Variants in SLC22A25 observed in about 807,000 individuals in gnomAD.
SLC22A25 encodes the protein MGI:2442751, MGI:2385316, MGI:3042283, MGI:3645714, MGI:3605624, MGI:2442750.
A neutral mutation model predicts 45.9 loss-of-function variants in SLC22A25; 44 were observed. The ratio of observed to expected loss-of-function variants is 0.96; its 90% confidence interval spans 0.75 to 1.23. The LOEUF is 1.23. Among genes scored for constraint, SLC22A25 ranks in the 50% most tolerant of loss-of-function variants. SLC22A25 has a pLI of 0.00. For synonymous variants in SLC22A25, 283 were observed against 238.6 expected, an observed-to-expected ratio of 1.19 and a Z score of -1.72; for missense variants, 800 against 666.4, an observed-to-expected ratio of 1.20 and a Z score of -2.21.
intron 7 of SLC22A25, among the ~76,000 whole-genome samples, chr11:63,195,725 G>C (rs1317481022): frequency 6.6e-6 from 1 of 152,132 alleles, no homozygotes; most frequent in Non-Finnish European, 1.5e-5. Context: ...ACATTCAAAA[G>C]CTAGCAGAAG....
chr11:63,191,135 G>A (rs990906044), intron 7 of SLC22A25, among the ~76,000 whole-genome samples: 1 of 152,210 alleles, frequency 6.6e-6, no homozygotes, highest in African/African-American at 2.4e-5. Flanking sequence ...GCTATACCCT[G>A]CCCTGAGATG....
At chr11:63,169,270 A>T (rs1284718711) in intron 9 of SLC22A25, among the ~76,000 whole-genome samples, 2 of 152,232 alleles carry the variant, frequency 1.3e-5, no homozygotes, top group African/African-American at 4.8e-5. Flanking sequence ...ACTAATGTGC[A>T]AACTAAGCAG....
At position 63,180,290 on chromosome 11, in the gene SLC22A25, G is replaced by A. The variant is rs567158442; in HGVS notation, c.1070+370C>T. ...TATACCTTGATCTGAGTGGTAGCTA[G>A]ATATTAATAACTGGTAATATTCATT... is the stretch of plus-strand genomic sequence containing the variant. On this transcript the variant is annotated intron_variant, in intron 9 of 11. Coordinates refer to ENST00000306494, the MANE Select transcript of SLC22A25 (RefSeq NM_199352.6). Among the ~76,000 whole-genome samples the A allele has an allele frequency of 2.6e-5, 4 of 152,228 alleles. No homozygotes were observed. In the South Asian group the frequency reaches 6.2e-4, roughly 24 times the overall value.
intron 7 of SLC22A25, among the ~76,000 whole-genome samples, chr11:63,212,371 T>A (rs2089593367): frequency 6.6e-6 from 1 of 152,318 alleles, no homozygotes; most frequent in South Asian, 2.1e-4. Context: ...CGCACACGTA[T>A]GTTTATTGTG....
At chr11:63,183,555 C>T (rs2088405517) in intron 8 of SLC22A25, 139 bp downstream of exon 8, 21 of 1,043,894 alleles carry the variant, frequency 2.0e-5, no homozygotes, top group Non-Finnish European at 2.8e-5. Flanking sequence ...TGTTGACACC[C>T]ATTGAGAATG....
chr11:63,167,997 AC>A (rs2087744110), intron 9 of SLC22A25: 1 of 374,840 alleles, frequency 2.7e-6, no homozygotes, highest in African/African-American at 2.2e-5. Flanking sequence ...CTGTTCTGCA[AC>A]CTCCGCTGGT....
chr11:63,230,336 A>G (rs1164561583), intron 3 of SLC22A25, among the ~76,000 whole-genome samples: 1 of 152,200 alleles, frequency 6.6e-6, no homozygotes, highest in Non-Finnish European at 1.5e-5. Context: ...TGCTAAGCTC[A>G]TATGGAGGTT....
rs959484090 is a variant in SLC22A25, at chr11:63,229,773, T to C, written c.-121A>G. ...GTGTGTGTTGATCCTGACCCCACTC[T>C]CTTCTTAATGGGCCCTCTCTCCCAT... On this transcript the variant is annotated 5_prime_UTR_variant, in exon 4 of 12. Transcript: ENST00000306494. 9.9e-7 allele frequency: 1 copy of C among 1,010,442 alleles called. No homozygotes were observed. Among genetic ancestry groups the C allele is most frequent in the Non-Finnish European group, 1.4e-6 (1 of 731,450 alleles). 62.6% of individuals were successfully genotyped at this position (1,010,442 alleles called of 1,614,324 possible).
chr11:63,189,885 T>C (rs2088729511), intron 7 of SLC22A25, among the ~76,000 whole-genome samples: 1 of 152,262 alleles, frequency 6.6e-6, no homozygotes, highest in Non-Finnish European at 1.5e-5. Context: ...CACTCTCTTC[T>C]GGCTTGTAGA....
rs958265974 is a variant in SLC22A25, at chr11:63,177,084, A to G, written c.1070+3576T>C. ...CATCATACTTTCTGTTGGCCTGTAA[A>G]CTTTCTGTGGGAAAACAAACCAAAG... On this transcript the variant is annotated intron_variant, in intron 9 of 11. Coordinates refer to ENST00000306494, the MANE Select transcript of SLC22A25 (RefSeq NM_199352.6). Among the ~76,000 whole-genome samples, 7 of 152,100 alleles carry G rather than the reference A, an allele frequency of 4.6e-5. 1 individual carries two copies. The highest frequency in any genetic ancestry group is 4.6e-4 in the Admixed American group (7 of 15,240).
chr11:63,212,060 C>A (rs1028064768), intron 7 of SLC22A25, among the ~76,000 whole-genome samples: 1 of 151,926 alleles, frequency 6.6e-6, no homozygotes, highest in Non-Finnish European at 1.5e-5. Flanking sequence ...AAAAGACACA[C>A]GAAAAAATGC....
intron 3 of SLC22A25, among the ~76,000 whole-genome samples, chr11:63,231,497 T>C (rs1212428677): frequency 6.6e-6 from 1 of 152,192 alleles, no homozygotes; most frequent in Admixed American, 6.5e-5. Context: ...TTGATGGGGT[T>C]CTTTTTTTCT....
intron 9 of SLC22A25, 49 bp from the exon 10 acceptor site, chr11:63,166,307 A>G (rs774523201): frequency 6.3e-7 from 1 of 1,595,310 alleles, no homozygotes; most frequent in Admixed American, 1.7e-5. Context: ...TGGAACCTAA[A>G]TCCTACAAAT....
At chr11:63,201,972 C>G (rs892181850) in intron 7 of SLC22A25, among the ~76,000 whole-genome samples, 1 of 152,066 alleles carries the variant, frequency 6.6e-6, no homozygotes, top group African/African-American at 2.4e-5. Context: ...ACTGGTTAGA[C>G]AGTGGGTGCA....
intron 9 of SLC22A25, chr11:63,166,493 TG>T: frequency 7.8e-7 from 1 of 1,287,578 alleles, no homozygotes; most frequent in Non-Finnish European, 9.8e-7. Flanking sequence ...GGATGTGCTA[TG>T]GGGTTTATTT....
rs142949705 is a variant in SLC22A25 at position 63,187,171 on chromosome 11, C to G, written c.831-3354G>C. 8.1e-3 allele frequency among the ~76,000 whole-genome samples: 1,239 copies of G among 152,210 alleles called. 14 individuals are homozygous for G. The highest frequency in any genetic ancestry group is 0.027 in the African/African-American group (1,128 of 41,536). On this transcript the variant is annotated intron_variant, in intron 7 of 11. Coordinates refer to ENST00000306494, the MANE Select transcript of SLC22A25 (RefSeq NM_199352.6). ...TTTTCATGATATTGAATCTTCCTACCCATGAGCATGGAATGTTCTTCCATT... is the reference window on the plus strand; with the variant it reads ...TTTTCATGATATTGAATCTTCCTACGCATGAGCATGGAATGTTCTTCCATT...
intron 7 of SLC22A25, among the ~76,000 whole-genome samples, chr11:63,194,927 A>AAAAAAAAAAAAAG (rs2088958783): frequency 9.8e-6 from 1 of 102,410 alleles, no homozygotes; most frequent in Non-Finnish European, 1.9e-5. Flanking sequence ...AAAAAAAAAA[A>AAAAAAAAAAAAAG]AAAAAAAAAG....
At chr11:63,166,519 C>A in intron 9 of SLC22A25, 13 of 1,182,172 alleles carry the variant, frequency 1.1e-5, no homozygotes, top group Non-Finnish European at 1.4e-5. Context: ...ATTTTAAAAG[C>A]AATGGATTTT....
intron 10 of SLC22A25, 51 bp downstream of exon 10, chr11:63,165,993 G>A (rs748810726): frequency 1.3e-6 from 2 of 1,596,814 alleles, no homozygotes; most frequent in Non-Finnish European, 1.7e-6. Flanking sequence ...GGCAATCCCT[G>A]AGAAAAGAGG....
Sources: allele counts gnomAD v4.1 joint callset (sites outside exome capture counted in the v4.1 genomes callset), GRCh38; gene constraint gnomAD v4.1.1; transcripts MANE v1.5; gene names NCBI Gene and HGNC (gene_info 2026-07-23, HGNC 2026-07-21).